RICTOR: variants seen among roughly 807,000 people sequenced by gnomAD.
RICTOR encodes RPTOR independent companion of MTOR complex 2, also known as rapamycin-insensitive companion of mTOR.
In RICTOR, 49 loss-of-function variants were observed where a neutral mutation model predicts 214.9. The observed-to-expected ratio is 0.23, with a 90% CI of 0.18 to 0.29. The LOEUF is 0.29. Among genes scored for constraint, RICTOR ranks in the 10% least tolerant of loss-of-function variants. The probability of loss-of-function intolerance (pLI) is 1.00; values close to 1 mark genes in which losing one functional copy is unlikely to be tolerated. For synonymous variants in RICTOR, 717 were observed against 711.3 expected, an observed-to-expected ratio of 1.01 and a Z score of -0.13; for missense variants, 1,625 against 2,047.0, an observed-to-expected ratio of 0.79 and a Z score of 3.98.
chr5:38,962,358 GC>G lies in RICTOR; in HGVS notation c.1671del (p.Trp557CysfsTer4). 7.2e-7 allele frequency: 1 copy of G among 1,396,652 alleles called. No individual in the cohort carries two copies. The highest frequency in any genetic ancestry group is 1.0e-6 in the Non-Finnish European group (1 of 999,266). The allele number at this position is 1,396,652 out of a possible 1,614,324, so 86.5% of individuals were successfully genotyped here. A position where few individuals can be genotyped will look rare whatever the true frequency, so the allele number is the denominator to read the frequency against. ...TTATAGTTTCTTAGATTTACATTTG[GC>G]CACTAGAAAAACATAATATGTTATA... ...NWNLIGTILK[W>X]PNVNLRNYKD... On this transcript the variant is annotated frameshift_variant and splice_region_variant, in exon 19 of 38. Transcript: ENST00000357387. LOFTEE classifies it high-confidence loss of function.
intron 2 of RICTOR, among the ~76,000 whole-genome samples, chr5:39,026,116 C>G (rs765152245): frequency 6.6e-6 from 1 of 152,170 alleles, no homozygotes; most frequent in East Asian, 1.9e-4. Flanking sequence ...TGAAAAGTAT[C>G]AGGTCAGAAA....
intron 2 of RICTOR, among the ~76,000 whole-genome samples, chr5:39,029,096 C>A (rs1336525927): frequency 6.6e-6 from 1 of 151,706 alleles, no homozygotes; most frequent in East Asian, 1.9e-4. Context: ...ATAAAGTAAC[C>A]AATTGGAAAC....
chr5:39,052,910 T>C lies in RICTOR; in HGVS notation c.97+21201A>G, dbSNP rs191325946. Reference sequence around the variant, plus strand: ...ACTATTGCTGAACCCAAACAGCCATTCTCTAGTGCAAAGTTTGGCTTACTA... The same window carrying C: ...ACTATTGCTGAACCCAAACAGCCATCCTCTAGTGCAAAGTTTGGCTTACTA... On this transcript the variant is annotated intron_variant, in intron 2 of 37. Coordinates refer to ENST00000357387, the MANE Select transcript of RICTOR (RefSeq NM_152756.5). Among the ~76,000 whole-genome samples, 503 of 152,314 alleles carry C rather than the reference T, an allele frequency of 3.3e-3. 1 individual carries two copies. The highest frequency in any genetic ancestry group is 5.2e-3 in the Admixed American group (80 of 15,306).
rs557205616 is a variant in RICTOR, at chr5:38,940,080, G to T, written c.*2224C>A. 3 of 202,592 alleles carry T rather than the reference G, an allele frequency of 1.5e-5. No individual in the cohort carries two copies. Among genetic ancestry groups the T allele is most frequent in the Admixed American group, 6.6e-5 (1 of 15,158 alleles). The allele number at this position is 202,592 out of a possible 1,614,324, so 12.5% of individuals were successfully genotyped here. On this transcript the variant is annotated 3_prime_UTR_variant, in exon 38 of 38. Coordinates refer to ENST00000357387, the MANE Select transcript of RICTOR (RefSeq NM_152756.5). ...CTCTGAGTATCTCCCCAAAGTAAGT[G>T]ATATAGGCAGATATGATAAGGTATA...
chr5:38,939,689 CAAT>C lies in RICTOR; in HGVS notation c.*2612_*2614del, dbSNP rs1022812377. 10 of 230,062 alleles carry C rather than the reference CAAT, an allele frequency of 4.3e-5. No individual in the cohort carries two copies. The Admixed American group carries it at 5.1e-4, about 12-fold the overall frequency. The allele number at this position is 230,062 out of a possible 1,614,324, so 14.3% of individuals were successfully genotyped here. A position where few individuals can be genotyped will look rare whatever the true frequency, so the allele number is the denominator to read the frequency against. On this transcript the variant is annotated 3_prime_UTR_variant, in exon 38 of 38. Transcript: ENST00000357387. ...ACTGCCCAGATTCCTCCCAATTATT[CAAT>C]AATTACCAATAGTACAAATTTATAT...
intron 15 of RICTOR, among the ~76,000 whole-genome samples, chr5:38,965,672 A>G (rs1319758618): frequency 2.6e-5 from 4 of 152,004 alleles, no homozygotes; most frequent in Non-Finnish European, 5.9e-5. Flanking sequence ...TCTTTCACAG[A>G]TGGGCCAAAA....
chr5:39,035,002 C>T lies in RICTOR; in HGVS notation c.98-13866G>A, dbSNP rs567211442. ...CAGCACGCAGCTGGAGATCTGAGAA[C>T]GGGCAGACTGCCTCCTCAAGTGGGT... is the stretch of plus-strand genomic sequence containing the variant. On this transcript the variant is annotated intron_variant, in intron 2 of 37. Coordinates refer to ENST00000357387, the MANE Select transcript of RICTOR (RefSeq NM_152756.5). Among the ~76,000 whole-genome samples, 20 of 152,330 alleles carry T rather than the reference C, an allele frequency of 1.3e-4. No individual in the cohort carries two copies. In the East Asian group the frequency reaches 1.7e-3, roughly 13 times the overall value.
chr5:39,001,813 C>G (rs977331664), intron 5 of RICTOR, among the ~76,000 whole-genome samples: 1 of 151,978 alleles, frequency 6.6e-6, no homozygotes, highest in African/African-American at 2.4e-5. Flanking sequence ...AATGAGACCC[C>G]ACACAAGAAA....
chr5:39,045,950 T>C (rs1757459291), intron 2 of RICTOR, among the ~76,000 whole-genome samples: 1 of 151,968 alleles, frequency 6.6e-6, no homozygotes, highest in South Asian at 2.1e-4. Context: ...CCACATCTTA[T>C]CTTATTCCAG....
chr5:38,938,675 A>G lies in RICTOR; in HGVS notation c.*3629T>C, dbSNP rs1747223409. On this transcript the variant is annotated 3_prime_UTR_variant, in exon 38 of 38. Coordinates refer to ENST00000357387, the MANE Select transcript of RICTOR (RefSeq NM_152756.5). ...CCTGGAACTTGGAACTAAAAGAAGA[A>G]AAGAATGCTCCTAGAAAGATTCTCA... The G allele has an allele frequency of 4.3e-6, 1 of 232,724 alleles. No homozygotes were observed. Among genetic ancestry groups the G allele is most frequent in the African/African-American group, 2.2e-5 (1 of 45,448 alleles). The allele number at this position is 232,724 out of a possible 1,614,324, so 14.4% of individuals were successfully genotyped here.
chr5:39,037,290 C>G (rs1436652648), intron 2 of RICTOR, among the ~76,000 whole-genome samples: 1 of 151,922 alleles, frequency 6.6e-6, no homozygotes, highest in Non-Finnish European at 1.5e-5. Context: ...ACACAACATA[C>G]CAGAATCTCT....
chr5:39,053,932 G>C (rs1224561139), intron 2 of RICTOR, among the ~76,000 whole-genome samples: 68 of 135,516 alleles, frequency 5.0e-4, no homozygotes, highest in Non-Finnish European at 6.3e-5. Flanking sequence ...AATACAAAAA[G>C]TTAGCCGGGC....
At chr5:39,023,621 A>T (rs1755597097) in intron 2 of RICTOR, among the ~76,000 whole-genome samples, 1 of 152,224 alleles carries the variant, frequency 6.6e-6, no homozygotes, top group Non-Finnish European at 1.5e-5. Flanking sequence ...CAAGTTTTTG[A>T]TATTTTAGTT....
chr5:38,939,467 A>C lies in RICTOR; in HGVS notation c.*2837T>G, dbSNP rs753566032. Reference sequence around the variant, plus strand: ...GGAGAACAGACTGTTTCCCCCTTCCAATCTACCTAAGAATAAACAGGAAAT... The same window carrying C: ...GGAGAACAGACTGTTTCCCCCTTCCCATCTACCTAAGAATAAACAGGAAAT... On this transcript the variant is annotated 3_prime_UTR_variant, in exon 38 of 38. Transcript: ENST00000357387. 1 of 232,106 alleles carries C rather than the reference A, an allele frequency of 4.3e-6. No homozygotes were observed. The highest frequency in any genetic ancestry group is 8.5e-6 in the Non-Finnish European group (1 of 117,470). 14.4% of individuals were successfully genotyped at this position (232,106 alleles called of 1,614,324 possible).
chr5:38,947,227 C>G (rs1402876908), intron 32 of RICTOR, 37 bp downstream of exon 32: 2 of 1,491,980 alleles, frequency 1.3e-6, no homozygotes, highest in Admixed American at 1.9e-5. Context: ...AAATAGGAAA[C>G]CAACTCATAG....
At chr5:39,059,071 C>T (rs761020510) in intron 2 of RICTOR, among the ~76,000 whole-genome samples, 1 of 152,030 alleles carries the variant, frequency 6.6e-6, no homozygotes, top group Non-Finnish European at 1.5e-5. Context: ...CATATAAACC[C>T]ACTGACAATC....
intron 3 of RICTOR, among the ~76,000 whole-genome samples, chr5:39,018,010 T>C (rs1040037631): frequency 1.3e-5 from 2 of 152,160 alleles, no homozygotes; most frequent in African/African-American, 4.8e-5. Context: ...CATAAAATGA[T>C]TCTTTCATTA....
chr5:38,990,731 T>G (rs1435981741), intron 7 of RICTOR, among the ~76,000 whole-genome samples: 60 of 123,000 alleles, frequency 4.9e-4, no homozygotes, highest in East Asian at 8.0e-4. Context: ...ATATATCATA[T>G]ATATGATATA....
chr5:39,003,887 T>C (rs763610787), intron 3 of RICTOR, among the ~76,000 whole-genome samples: 1 of 152,156 alleles, frequency 6.6e-6, no homozygotes, highest in Non-Finnish European at 1.5e-5. Flanking sequence ...CTCAATAATT[T>C]ACTGTTTTAA....
Sources: allele counts gnomAD v4.1 joint callset (sites outside exome capture counted in the v4.1 genomes callset), GRCh38; gene constraint gnomAD v4.1.1; transcripts MANE v1.5; gene names NCBI Gene and HGNC (gene_info 2026-07-23, HGNC 2026-07-21).